PXYLP1: variants seen among roughly 807,000 people sequenced by gnomAD.
PXYLP1 encodes acid phosphatase-like 2.
A neutral mutation model predicts 37.9 loss-of-function variants in PXYLP1; 17 were observed. The observed-to-expected ratio is 0.45, with a 90% CI of 0.31 to 0.67. The LOEUF (loss-of-function observed/expected upper bound fraction) is 0.67, where lower values mean the gene tolerates loss of function less well. Ranked by LOEUF, PXYLP1 falls within the 30% of genes least tolerant of loss-of-function variation. PXYLP1 has a pLI of 0.07. For synonymous variants in PXYLP1, 221 were observed against 232.2 expected (o/e 0.95, Z 0.44); for missense variants, 511 against 612.0 (o/e 0.84, Z 1.74).
At chr3:141,253,900 TTATGAA>T (rs1941200611) in intron 1 of PXYLP1, among the ~76,000 whole-genome samples, 1 of 148,076 alleles carries the variant, frequency 6.8e-6, no homozygotes, top group Non-Finnish European at 1.5e-5. Context: ...AATATATAAA[TTATGAA>T]TATATATATA....
rs762699161 is a variant in PXYLP1 at position 141,293,026 on chromosome 3, C to A, written c.1264C>A (p.Leu422Ile). 6.2e-7 allele frequency: 1 copy of A among 1,614,198 alleles called. No homozygotes were observed. Among genetic ancestry groups the A allele is most frequent in the Admixed American group, 1.7e-5 (1 of 60,018 alleles). The stretch of plus-strand genomic sequence containing the variant: ...GCCCAGTGAACATTCCGTCCGGATT[C>A]TTTACAATGGCGTCGATGTCACATT... ...EKPSEHSVRI[L>I]YNGVDVTFHT... Residue 422 changes from leucine (L) to isoleucine (I), a missense_variant, in exon 6 of 6, where the codon CTT (leucine) becomes ATT (isoleucine). Transcript: ENST00000286353.
chr3:141,247,531 T>C (rs1016487970), intron 1 of PXYLP1, among the ~76,000 whole-genome samples: 1 of 152,184 alleles, frequency 6.6e-6, no homozygotes, highest in African/African-American at 2.4e-5. Context: ...AGTTATTATA[T>C]CACAATCAGT....
intron 1 of PXYLP1, among the ~76,000 whole-genome samples, chr3:141,238,516 G>C (rs915563078): frequency 2.6e-5 from 4 of 152,236 alleles, no homozygotes; most frequent in African/African-American, 9.6e-5. Context: ...ATACCGATAA[G>C]TCAGCAGTCA....
chr3:141,236,665 T>G (rs1349053047), intron 1 of PXYLP1, among the ~76,000 whole-genome samples: 1 of 152,232 alleles, frequency 6.6e-6, no homozygotes, highest in Non-Finnish European at 1.5e-5. Context: ...ATGAAGCTCT[T>G]ACTTGCTGTT....
In PXYLP1 at chr3:141,292,930, G is replaced by A. The variant is rs931336154; in HGVS notation, c.1168G>A (p.Gly390Ser). Residue 390 changes from glycine (G) to serine (S), a missense_variant, in exon 6 of 6, where the codon GGC becomes AGC. Gly to Ser is a moderately conservative substitution (Grantham distance 56). Coordinates refer to ENST00000286353, the MANE Select transcript of PXYLP1 (RefSeq NM_001037172.3). The surrounding 1 kb of genome is among the most constrained non-coding windows in gnomAD (Gnocchi z 4.3). ...VTLSPVLSAL[G>S]LSEARFPRFA... The stretch of plus-strand genomic sequence containing the variant: ...TCTGTCACCAGTTCTCAGTGCCTTG[G>A]GCCTTTCAGAAGCCAGGTTCCCAAG... 1.9e-6 allele frequency: 3 copies of A among 1,613,980 alleles called. No homozygotes were observed. Among genetic ancestry groups the A allele is most frequent in the African/African-American group, 1.3e-5 (1 of 74,890 alleles).
At chr3:141,273,418 G>T in intron 2 of PXYLP1, 6 of 985,198 alleles carry the variant, frequency 6.1e-6, no homozygotes, top group Non-Finnish European at 6.0e-6. Context: ...GCAGAGAGAG[G>T]ATCAGTTTGG....
chr3:141,235,953 G>A (rs1940648471), intron 1 of PXYLP1, among the ~76,000 whole-genome samples: 1 of 152,228 alleles, frequency 6.6e-6, no homozygotes, highest in South Asian at 2.1e-4. Flanking sequence ...AAAAAGTTCA[G>A]TCTGCAGTGA....
At chr3:141,260,005 C>G in intron 1 of PXYLP1, 118 bp from the exon 2 acceptor site, 1 of 690,848 alleles carries the variant, frequency 1.4e-6, no homozygotes, top group Non-Finnish European at 2.4e-6. Context: ...TGCATGCTTC[C>G]CTGCCGGGGG....
chr3:141,281,045 G>T (rs968015637), intron 4 of PXYLP1, among the ~76,000 whole-genome samples: 2 of 152,322 alleles, frequency 1.3e-5, no homozygotes, highest in Non-Finnish European at 1.5e-5. Flanking sequence ...CAGCATTAAG[G>T]TTATTAGTTA....
intron 2 of PXYLP1, among the ~76,000 whole-genome samples, chr3:141,266,195 T>C (rs1372898702): frequency 6.6e-6 from 1 of 152,242 alleles, no homozygotes; most frequent in African/African-American, 2.4e-5. Flanking sequence ...GCCCAACCCC[T>C]GTTTTTAGAT....
intron 2 of PXYLP1, chr3:141,274,650 C>A: frequency 1.4e-6 from 1 of 722,442 alleles, no homozygotes; most frequent in Non-Finnish European, 2.5e-6. Flanking sequence ...TATCCTCTGT[C>A]AGTCAGCGGG....
At chr3:141,267,870 T>TCTCTCTCC (rs149331872) in intron 2 of PXYLP1, among the ~76,000 whole-genome samples, 24,497 of 149,706 alleles carry the variant, frequency 0.16, 2,946 homozygotes, top group East Asian at 0.31. Flanking sequence ...TCCCTCTCTG[T>TCTCTCTCC]CTCTCTCCCT....
intron 1 of PXYLP1, among the ~76,000 whole-genome samples, chr3:141,246,378 G>A (rs558943452): frequency 6.6e-6 from 1 of 152,318 alleles, no homozygotes; most frequent in South Asian, 2.1e-4. Flanking sequence ...AATGAATAGT[G>A]CTGAGAAGTG....
intron 1 of PXYLP1, among the ~76,000 whole-genome samples, chr3:141,251,480 A>G (rs1576581748): frequency 6.6e-6 from 1 of 152,234 alleles, no homozygotes; most frequent in East Asian, 1.9e-4. Context: ...AAGGGAGTTT[A>G]GGAAATATTC....
chr3:141,287,154 G>A (rs1330820404), intron 4 of PXYLP1, among the ~76,000 whole-genome samples, 160 bp from the exon 5 acceptor site: 2 of 152,176 alleles, frequency 1.3e-5, no homozygotes, highest in East Asian at 1.9e-4. Context: ...GTCAGTGGTC[G>A]AGAAATAATG....
At chr3:141,251,824 C>G (rs1234549153) in intron 1 of PXYLP1, among the ~76,000 whole-genome samples, 1 of 152,162 alleles carries the variant, frequency 6.6e-6, no homozygotes, top group Non-Finnish European at 1.5e-5. Flanking sequence ...AGTGGAGATT[C>G]TATTTCTAGA....
chr3:141,244,882 T>A (rs1035751206), intron 1 of PXYLP1, among the ~76,000 whole-genome samples: 17 of 151,882 alleles, frequency 1.1e-4, no homozygotes, highest in African/African-American at 4.1e-4. Flanking sequence ...TGTTTATTGT[T>A]TTGGTGGAGA....
intron 2 of PXYLP1, among the ~76,000 whole-genome samples, chr3:141,277,933 G>A (rs140852601): frequency 1.3e-5 from 2 of 152,340 alleles, no homozygotes; most frequent in Admixed American, 1.3e-4. Flanking sequence ...AATGGGATAT[G>A]TCAGACACCC....
chr3:141,268,587 C>A (rs1345725027), intron 2 of PXYLP1, among the ~76,000 whole-genome samples: 1 of 152,176 alleles, frequency 6.6e-6, no homozygotes, highest in Non-Finnish European at 1.5e-5. Flanking sequence ...AGAGGCAGAG[C>A]CCTGTTATGT....
Sources: gnomAD v4.1 joint callset for allele counts (sites outside exome capture counted in the v4.1 genomes callset) on GRCh38, gnomAD v4.1.1 for gene constraint, Gnocchi (gnomAD v3.1) non-coding constraint, MANE v1.5 for transcripts, NCBI Gene and HGNC (gene_info 2026-07-23, HGNC 2026-07-21) for gene names.